The following MATN2 variants were observed in gnomAD, a reference collection of about 807,000 sequenced individuals.
MATN2 encodes matrilin 2.
A neutral mutation model predicts 103.2 loss-of-function variants in MATN2; 69 were observed. The ratio of observed to expected loss-of-function variants is 0.67; its 90% confidence interval spans 0.55 to 0.82. The LOEUF (loss-of-function observed/expected upper bound fraction) is 0.82, where lower values mean the gene tolerates loss of function less well. Among genes scored for constraint, MATN2 ranks in the 40% least tolerant of loss-of-function variants. The pLI is 0.00. For synonymous variants in MATN2, 429 were observed against 450.2 expected, an observed-to-expected ratio of 0.95 and a Z score of 0.60; for missense variants, 1,023 against 1,211.5, an observed-to-expected ratio of 0.84 and a Z score of 2.31.
In MATN2 at chr8:97,966,899, C is replaced by T. The variant is rs550565465; in HGVS notation, c.958+5369C>T. On this transcript the variant is annotated intron_variant, in intron 5 of 18. Transcript: ENST00000254898. ...GCTATAAAGGAATACCTGAGATTAG[C>T]TAAAAGAAAAGGTTTAATTGGCTCA... 1.2e-4 allele frequency among the ~76,000 whole-genome samples: 19 copies of T among 152,214 alleles called. No homozygotes were observed. In the East Asian group the frequency reaches 3.5e-3, roughly 28 times the overall value.
intron 2 of MATN2, among the ~76,000 whole-genome samples, chr8:97,923,062 C>CT (rs976525714): frequency 3.9e-5 from 6 of 152,172 alleles, no homozygotes; most frequent in African/African-American, 1.4e-4. Context: ...GAGATCCATA[C>CT]TACAGAGTTC....
intron 7 of MATN2, among the ~76,000 whole-genome samples, chr8:97,999,314 A>G (rs1018242879): frequency 6.6e-6 from 1 of 152,234 alleles, no homozygotes; most frequent in Admixed American, 6.5e-5. Flanking sequence ...GTGTATACCC[A>G]GAAATGGAAT....
chr8:97,927,134 T>C (rs1810012925), intron 2 of MATN2, among the ~76,000 whole-genome samples: 2 of 151,732 alleles, frequency 1.3e-5, no homozygotes, highest in South Asian at 4.2e-4. Flanking sequence ...TTGTTTTGTT[T>C]TTGTTTTTGT....
intron 5 of MATN2, among the ~76,000 whole-genome samples, chr8:97,969,651 A>C (rs1304016451): frequency 2.0e-5 from 3 of 152,214 alleles, no homozygotes; most frequent in Non-Finnish European, 4.4e-5. Context: ...TGATAGGAAG[A>C]TAATTTCTTG....
chr8:97,876,587 G>C (rs1019072625), intron 1 of MATN2, among the ~76,000 whole-genome samples: 11 of 152,122 alleles, frequency 7.2e-5, no homozygotes, highest in African/African-American at 2.4e-4. Flanking sequence ...GCCTCCCAAA[G>C]TGCTAGCATT....
intron 2 of MATN2, among the ~76,000 whole-genome samples, chr8:97,893,215 C>T (rs1014634292): frequency 5.3e-5 from 8 of 152,154 alleles, no homozygotes; most frequent in Non-Finnish European, 7.4e-5. Flanking sequence ...GGAACGAGCA[C>T]CTGCTCTAGC....
rs1171545556 is a variant in MATN2, at chr8:98,007,202, C to T, written c.1425C>T (p.Ile475=). 1.9e-6 allele frequency: 3 copies of T among 1,613,932 alleles called. No individual in the cohort carries two copies. In the Admixed American group the frequency reaches 5.0e-5, roughly 27 times the overall value. ...FVCQCSEGFL[I]NEDLKTCSRV... ...GCCAGTGCTCAGAAGGCTTCCTCAT[C>T]AACGAGGACCTCAAGACCTGCTCCC... The change falls in exon 9 of 19, where the codon ATC becomes ATT. Residue 475 remains isoleucine, a synonymous_variant. Transcript: ENST00000254898. The surrounding 1 kb of genome is among the most constrained non-coding windows in gnomAD (Gnocchi z 4.2).
At chr8:97,900,801 G>A (rs1373541159) in intron 2 of MATN2, among the ~76,000 whole-genome samples, 1 of 152,090 alleles carries the variant, frequency 6.6e-6, no homozygotes, top group Non-Finnish European at 1.5e-5. Flanking sequence ...CGGGTGTGGT[G>A]GCGGGCACCT....
chr8:98,024,262 T>C (rs979587994), intron 13 of MATN2, among the ~76,000 whole-genome samples: 8 of 152,072 alleles, frequency 5.3e-5, no homozygotes, highest in African/African-American at 1.9e-4. Context: ...CCCGGCACCT[T>C]GAGAGGCCGA....
In MATN2 at chr8:98,032,260, G is replaced by A. The variant is rs775451363; in HGVS notation, c.2524G>A (p.Asp842Asn). 1.2e-5 allele frequency: 20 copies of A among 1,611,486 alleles called. No individual in the cohort carries two copies. The highest frequency in any genetic ancestry group is 3.4e-5 in the Admixed American group (2 of 59,616). The change falls in exon 16 of 19, where the codon GAT becomes AAT. Residue 842 changes from aspartate to asparagine, a missense_variant. Physicochemically the swap from Asp to Asn is conservative, Grantham distance 23. Coordinates refer to ENST00000254898, the MANE Select transcript of MATN2 (RefSeq NM_002380.5). ...TTTCTGCTCAGCTCTAGAAGACTCC[G>A]ATGGAAGACAGGACTCTCCAGCAGG... ...KGICEALEDSDGRQDSPAGEL... is the reference protein window; with the variant it reads ...KGICEALEDSNGRQDSPAGEL...
At chr8:97,921,982 G>A (rs1037364192) in intron 2 of MATN2, among the ~76,000 whole-genome samples, 1 of 152,194 alleles carries the variant, frequency 6.6e-6, no homozygotes, top group South Asian at 2.1e-4. Context: ...GATCAGTGGC[G>A]ACATTCCGTT....
chr8:97,983,567 G>A (rs1389171889), intron 6 of MATN2, among the ~76,000 whole-genome samples: 1 of 152,200 alleles, frequency 6.6e-6, no homozygotes, highest in East Asian at 1.9e-4. Context: ...CAAGGAGACT[G>A]TGGGCTTTGA....
At chr8:97,877,844 T>C (rs1248754304) in intron 1 of MATN2, among the ~76,000 whole-genome samples, 2 of 152,208 alleles carry the variant, frequency 1.3e-5, no homozygotes, top group African/African-American at 4.8e-5. Context: ...ATTTCTGTCT[T>C]GTGTTCAAGA....
In MATN2 at chr8:97,941,881, G is replaced by T; in HGVS notation, c.817G>T (p.Asp273Tyr). 6.2e-7 allele frequency: 1 copy of T among 1,613,260 alleles called. No homozygotes were observed. The highest frequency in any genetic ancestry group is 1.1e-5 in the South Asian group (1 of 91,022). ...RCKQGYILNS[D>Y]QTTCRIQDLC... ...CAAACAAGGCTACATTCTCAACTCG[G>T]ATCAGACGACTTGCAGAAGTAAGAT... The change falls in exon 4 of 19, where the codon GAT becomes TAT. Residue 273 changes from aspartate (D) to tyrosine (Y), a missense_variant. Physicochemically the swap from Asp to Tyr is radical, Grantham distance 160 (BLOSUM62 -3). Coordinates refer to ENST00000254898, the MANE Select transcript of MATN2 (RefSeq NM_002380.5).
intron 2 of MATN2, among the ~76,000 whole-genome samples, chr8:97,917,627 T>C (rs1809675527): frequency 6.6e-6 from 1 of 152,222 alleles, no homozygotes; most frequent in Non-Finnish European, 1.5e-5. Context: ...CTGCTACTTT[T>C]CTTCTTCTGC....
At chr8:97,911,699 CTG>C (rs1341177372) in intron 2 of MATN2, among the ~76,000 whole-genome samples, 2 of 151,720 alleles carry the variant, frequency 1.3e-5, no homozygotes, top group Non-Finnish European at 2.9e-5. Flanking sequence ...GAGTGAGACT[CTG>C]TCTCAAAAAA....
intron 14 of MATN2, 114 bp downstream of exon 14, chr8:98,027,943 C>G: frequency 9.6e-7 from 1 of 1,043,066 alleles, no homozygotes; most frequent in Non-Finnish European, 1.3e-6. Context: ...AGAAAGGCCT[C>G]CTGGCAACTG....
At chr8:97,972,594 C>T (rs750148036) in intron 5 of MATN2, among the ~76,000 whole-genome samples, 1 of 152,214 alleles carries the variant, frequency 6.6e-6, no homozygotes, top group Non-Finnish European at 1.5e-5. Flanking sequence ...TCTGCTAATG[C>T]CATTCCCTTG....
At position 97,978,994 on chromosome 8, in the gene MATN2, A is replaced by G. The variant is rs1263077181; in HGVS notation, c.1067A>G (p.Lys356Arg). 13 of 1,610,516 alleles carry G rather than the reference A, an allele frequency of 8.1e-6. No homozygotes were observed. In the Admixed American group the frequency reaches 1.4e-4, roughly 17 times the overall value. ...CHEGFALNPDKKTCTKIDYCA... is the reference protein window; with the variant it reads ...CHEGFALNPDRKTCTKIDYCA... ...GAAGGATTTGCTCTTAACCCAGATA[A>G]AAAAACGTGCACAAGTAAGTTACAC... The change falls in exon 6 of 19, where the codon AAA becomes AGA. Residue 356 changes from lysine (K) to arginine (R), a missense_variant. Physicochemically the swap from Lys to Arg is conservative, Grantham distance 26. Transcript: ENST00000254898.
Sources: gnomAD v4.1 joint callset for allele counts (sites outside exome capture counted in the v4.1 genomes callset) on GRCh38, gnomAD v4.1.1 for gene constraint, Gnocchi (gnomAD v3.1) non-coding constraint, MANE v1.5 for transcripts, NCBI Gene and HGNC (gene_info 2026-07-23, HGNC 2026-07-21) for gene names.